The following PCDHGA2 variants were observed in gnomAD, a reference collection of about 807,000 sequenced individuals.
PCDHGA2 encodes the protein protocadherin gamma subfamily A, 2.
Under a neutral mutation model 59.2 loss-of-function variants are expected in PCDHGA2, and 40 were observed. That is an observed-to-expected ratio of 0.68 (90% CI 0.52 to 0.88). PCDHGA2 has a LOEUF of 0.88. PCDHGA2 is among the 40% of genes least tolerant of loss of function. The pLI is 0.00. For synonymous variants in PCDHGA2, 560 were observed against 526.0 expected, an observed-to-expected ratio of 1.06 and a Z score of -0.89; for missense variants, 1,226 against 1,204.0, an observed-to-expected ratio of 1.02 and a Z score of -0.27.
At chr5:141,349,405 T>C (rs1422020554) in intron 1 of PCDHGA2, among the ~76,000 whole-genome samples, 1 of 152,060 alleles carries the variant, frequency 6.6e-6, no homozygotes, top group Non-Finnish European at 1.5e-5. Context: ...GAAGCACTGG[T>C]TTCATAAAAC....
intron 1 of PCDHGA2, chr5:141,492,007 C>T (rs1261430567): frequency 3.0e-5 from 19 of 628,956 alleles, no homozygotes; most frequent in Non-Finnish European, 4.6e-5. Flanking sequence ...GCGATTTCCG[C>T]GGGTGTCGGG....
chr5:141,374,438 G>T (rs760020224), intron 1 of PCDHGA2: 3 of 1,613,736 alleles, frequency 1.9e-6, no homozygotes, highest in Non-Finnish European at 2.5e-6. Flanking sequence ...TCTTTATCCC[G>T]TGGAAGTGGA....
chr5:141,400,682 G>C (rs778099324), intron 1 of PCDHGA2: 10 of 835,140 alleles, frequency 1.2e-5, no homozygotes, highest in Non-Finnish European at 1.7e-5. Context: ...AGTAAATTGT[G>C]AGTTTTTATG....
At chr5:141,372,842 A>G in intron 1 of PCDHGA2, 1 of 1,515,016 alleles carries the variant, frequency 6.6e-7, no homozygotes, top group Middle Eastern at 1.7e-4. Context: ...TTCCATAAAT[A>G]TAATTGGGTT....
At chr5:141,496,310 A>G (rs1446146598) in intron 2 of PCDHGA2, among the ~76,000 whole-genome samples, 1 of 152,218 alleles carries the variant, frequency 6.6e-6, no homozygotes, top group East Asian at 1.9e-4. Context: ...GCTCTGCGCC[A>G]GGCCTCCCAG....
chr5:141,421,403 A>G, intron 1 of PCDHGA2: 1 of 1,614,054 alleles, frequency 6.2e-7, no homozygotes, highest in Non-Finnish European at 8.5e-7. Context: ...GAGCCCCGGG[A>G]GCTGGCGAAG....
intron 1 of PCDHGA2, chr5:141,383,361 A>C: frequency 6.2e-7 from 1 of 1,614,022 alleles, no homozygotes; most frequent in Non-Finnish European, 8.5e-7. Flanking sequence ...GGTTTCCGTT[A>C]AGCGAGGCTG....
rs199519740 is a variant in PCDHGA2 at position 141,394,287 on chromosome 5, A to C, written c.2424+52892A>C. On this transcript the variant is annotated intron_variant, in intron 1 of 3. Transcript: ENST00000394576. ...GAATGCCCAGGTCACTTACTCTGTG[A>C]CCGAGGACACGCTGCAGGGGGCGCC... 122 of 1,613,772 alleles carry C rather than the reference A, an allele frequency of 7.6e-5. No individual in the cohort carries two copies. Among genetic ancestry groups the C allele is most frequent in the Non-Finnish European group, 9.6e-5 (113 of 1,179,878 alleles).
At chr5:141,510,850 G>A in intron 3 of PCDHGA2, 97 bp from the exon 4 acceptor site, 4 of 1,599,444 alleles carry the variant, frequency 2.5e-6, no homozygotes, top group South Asian at 1.1e-5. Context: ...AAGGCCCAGG[G>A]TGCTGTATAG....
chr5:141,350,772 C>A, intron 1 of PCDHGA2: 1 of 1,613,910 alleles, frequency 6.2e-7, no homozygotes, highest in South Asian at 1.1e-5. Flanking sequence ...ACCATCAACC[C>A]CAATCAATAC....
At chr5:141,461,507 T>C (rs1271911872) in intron 1 of PCDHGA2, among the ~76,000 whole-genome samples, 1 of 152,316 alleles carries the variant, frequency 6.6e-6, no homozygotes, top group East Asian at 1.9e-4. Context: ...TTCTTGGTGA[T>C]TTGTTAGTTC....
At chr5:141,478,821 A>G (rs72790063) in intron 1 of PCDHGA2, 38,524 of 1,444,166 alleles carry the variant, frequency 0.027, 650 homozygotes, top group East Asian at 0.045. Flanking sequence ...CAACTAACCA[A>G]TCTTGCTAAG....
chr5:141,397,992 C>T (rs1449951628), intron 1 of PCDHGA2: 3 of 1,349,734 alleles, frequency 2.2e-6, no homozygotes, highest in Non-Finnish European at 3.0e-6. Context: ...ACACCGCTTC[C>T]TCCTCGGAAA....
At chr5:141,423,120 G>A in intron 1 of PCDHGA2, 1 of 1,613,800 alleles carries the variant, frequency 6.2e-7, no homozygotes. Flanking sequence ...GTACAGCGCG[G>A]GCACTGCTGG....
At chr5:141,362,596 G>T (rs1762590213) in intron 1 of PCDHGA2, 2 of 1,584,024 alleles carry the variant, frequency 1.3e-6, no homozygotes, top group Non-Finnish European at 1.7e-6. Context: ...TGGTTTTATT[G>T]TTTCACCTAA....
chr5:141,384,829 G>A (rs1243050988), intron 1 of PCDHGA2: 5 of 1,613,524 alleles, frequency 3.1e-6, no homozygotes, highest in Non-Finnish European at 4.2e-6. Flanking sequence ...GAGCCTCGTG[G>A]TGGCCGTCCA....
intron 1 of PCDHGA2, chr5:141,365,899 G>A (rs747004585): frequency 6.2e-7 from 1 of 1,614,198 alleles, no homozygotes; most frequent in Non-Finnish European, 8.5e-7. Context: ...TCGACTATGA[G>A]CAGTTGAGAG....
At position 141,512,951 on chromosome 5, in the gene PCDHGA2, AATAAT is replaced by A. The variant is rs1231390259; in HGVS notation, c.*1780_*1784del. 2.1e-5 allele frequency: 3 copies of A among 141,994 alleles called. No homozygotes were observed. Among genetic ancestry groups the A allele is most frequent in the Non-Finnish European group, 4.8e-5 (3 of 62,372 alleles). The allele number at this position is 141,994 out of a possible 1,614,324, so 8.8% of individuals were successfully genotyped here. A position where few individuals can be genotyped will look rare whatever the true frequency, so the allele number is the denominator to read the frequency against. On this transcript the variant is annotated 3_prime_UTR_variant, in exon 4 of 4. Coordinates refer to ENST00000394576, the MANE Select transcript of PCDHGA2 (RefSeq NM_018915.4). ...TATGGCTTTTTTTCTTCGACAAAAAAATAATAAAACGTTTCTTCTGAAAAGCTGAA... is the reference window on the plus strand; with the variant it reads ...TATGGCTTTTTTTCTTCGACAAAAAAAAAACGTTTCTTCTGAAAAGCTGAA...
chr5:141,508,507 TGGTCCAGCCCAACCTCAG>T (rs1377043623), intron 3 of PCDHGA2, among the ~76,000 whole-genome samples: 1 of 152,178 alleles, frequency 6.6e-6, no homozygotes, highest in Non-Finnish European at 1.5e-5. Flanking sequence ...CTCTCCCTCC[TGGTCCAGCCCAACCTCAG>T]GGCACCCCCC....
Sources: allele counts gnomAD v4.1 joint callset (sites outside exome capture counted in the v4.1 genomes callset), GRCh38; gene constraint gnomAD v4.1.1; transcripts MANE v1.5; gene names NCBI Gene and HGNC (gene_info 2026-07-23, HGNC 2026-07-21).